EIF3I: variants seen among roughly 807,000 people sequenced by gnomAD.
The protein encoded by EIF3I is eukaryotic translation initiation factor 3 subunit I, also known as TGF-beta receptor-interacting protein 1.
Under a neutral mutation model 43.3 loss-of-function variants are expected in EIF3I, and 20 were observed. That is an observed-to-expected ratio of 0.46 (90% CI 0.32 to 0.67). EIF3I has a LOEUF of 0.67. Ranked by LOEUF, EIF3I falls within the 30% of genes least tolerant of loss-of-function variation. The probability of loss-of-function intolerance (pLI) is 0.03; values close to 1 mark genes in which losing one functional copy is unlikely to be tolerated. For synonymous variants in EIF3I, 167 were observed against 151.7 expected (o/e 1.10, Z -0.74); for missense variants, 279 against 421.4 (o/e 0.66, Z 2.96).
downstream of EIF3I, chr1:32,234,961 C>T (rs2127245): frequency 0.12 from 17,989 of 152,828 alleles, 1,354 homozygotes; most frequent in South Asian, 0.25. Context: ...CCTCTCCATG[C>T]CCTGGACTGC....
At chr1:32,226,555 C>T (rs1188115420) in intron 6 of EIF3I, 25 bp downstream of exon 6, 6 of 1,450,700 alleles carry the variant, frequency 4.1e-6, no homozygotes, top group Non-Finnish European at 5.4e-6. Flanking sequence ...GGGGCCTGAG[C>T]CTACCAGAAT....
At chr1:32,230,514 G>A (rs1639218912) in intron 10 of EIF3I, among the ~76,000 whole-genome samples, 2 of 152,210 alleles carry the variant, frequency 1.3e-5, no homozygotes, top group East Asian at 1.9e-4. Context: ...GAGCCACTGC[G>A]CCTCGGCTTC....
chr1:32,226,593 GTC>G, intron 6 of EIF3I, 63 bp downstream of exon 6: 5 of 1,385,182 alleles, frequency 3.6e-6, no homozygotes, highest in Admixed American at 2.7e-5. Flanking sequence ...TTAAGATAGA[GTC>G]TCTCTCTGTT....
exon 2 of EIF3I, chr1:32,222,612 T>C: frequency 1.2e-6 from 2 of 1,614,088 alleles, no homozygotes; most frequent in Non-Finnish European, 1.7e-6. Flanking sequence ...ACCTCCTCTT[T>C]ACTGTGGCCA....
chr1:32,229,416 C>G (rs1036704200), intron 9 of EIF3I, among the ~76,000 whole-genome samples: 3 of 151,466 alleles, frequency 2.0e-5, no homozygotes, highest in Non-Finnish European at 2.9e-5. Flanking sequence ...GGCTAATTTT[C>G]TTTTTGTATT....
chr1:32,226,416 C>T (rs2124263027), exon 6 of EIF3I: 1 of 1,605,900 alleles, frequency 6.2e-7, no homozygotes, highest in Non-Finnish European at 8.5e-7. Context: ...ACAATGAGCC[C>T]TACATGAAGA....
chr1:32,229,469 C>T (rs570176448), intron 9 of EIF3I, among the ~76,000 whole-genome samples: 113 of 151,512 alleles, frequency 7.5e-4, no homozygotes, highest in Non-Finnish European at 1.3e-3. Flanking sequence ...AGGATGGTCT[C>T]GATCTCCTGA....
chr1:32,226,487 T>C (rs2124263135), exon 6 of EIF3I: 2 of 1,591,568 alleles, frequency 1.3e-6, no homozygotes, highest in East Asian at 2.2e-5. Flanking sequence ...GAGTGCATCA[T>C]CGCTGGCCAT....
intron 6 of EIF3I, 38 bp downstream of exon 6, chr1:32,226,568 T>A (rs78639775): frequency 3.2e-5 from 4 of 124,684 alleles, no homozygotes; most frequent in East Asian, 3.0e-4. Context: ...ACCAGAATAA[T>A]TTTTTTTTTT....
intron 9 of EIF3I, among the ~76,000 whole-genome samples, chr1:32,230,190 A>G (rs1639214227): frequency 6.7e-6 from 1 of 149,336 alleles, no homozygotes; most frequent in Admixed American, 6.7e-5. Flanking sequence ...CGCAGCCACC[A>G]ATTTCCATCT....
intron 7 of EIF3I, 48 bp from the exon 8 acceptor site, chr1:32,228,679 C>A: frequency 6.3e-7 from 1 of 1,599,984 alleles, no homozygotes; most frequent in Non-Finnish European, 8.6e-7. Context: ...TGCCCGACTT[C>A]CCCCAGGAAA....
chr1:32,227,462 A>G (rs1639165921), intron 6 of EIF3I, among the ~76,000 whole-genome samples: 1 of 152,024 alleles, frequency 6.6e-6, no homozygotes, highest in Non-Finnish European at 1.5e-5. Flanking sequence ...AACTTGTCAC[A>G]AAGTACTCAG....
chr1:32,228,439 TG>T, intron 6 of EIF3I, 59 bp from the exon 7 acceptor site: 3 of 1,441,530 alleles, frequency 2.1e-6, no homozygotes, highest in Non-Finnish European at 2.9e-6. Flanking sequence ...CTTGGGTTTC[TG>T]GGGAGCTGAG....
At chr1:32,225,442 G>A (rs1022962303) in intron 4 of EIF3I, among the ~76,000 whole-genome samples, 1 of 152,020 alleles carries the variant, frequency 6.6e-6, no homozygotes, top group East Asian at 1.9e-4. Context: ...AAGAGTCTAG[G>A]TAAGAAGTTA....
At chr1:32,229,002 T>C in intron 8 of EIF3I, 133 bp from the exon 9 acceptor site, 4 of 1,108,850 alleles carry the variant, frequency 3.6e-6, no homozygotes, top group Non-Finnish European at 4.0e-6. Context: ...GTGGCAGAAG[T>C]GTCTGATCAT....
intron 4 of EIF3I, among the ~76,000 whole-genome samples, chr1:32,224,985 C>T (rs1639120589): frequency 6.6e-6 from 1 of 152,170 alleles, no homozygotes; most frequent in African/African-American, 2.4e-5. Context: ...AGACATGCGC[C>T]ATCACACCTG....
Position 32,226,394 on chromosome 1 carries a change from C to T in EIF3I, c.401-9C>T. 6.2e-7 allele frequency: 1 copy of T among 1,608,718 alleles called. No individual in the cohort carries two copies. The highest frequency in any genetic ancestry group is 8.5e-7 in the Non-Finnish European group (1 of 1,177,628). ...GAGCCCAGGGCCTAACATCTACTGC[C>T]CCACACAGACAACAATGAGCCCTAC... On this transcript the variant is annotated splice_polypyrimidine_tract_variant and intron_variant, in intron 5 of 11. Transcript: ENST00000676679.
chr1:32,222,438 C>G (rs369507179), exon 1 of EIF3I: 12 of 1,598,774 alleles, frequency 7.5e-6, no homozygotes, highest in Non-Finnish European at 1.0e-5. Flanking sequence ...GCGTCACAGC[C>G]GGGATGGTGA....
rs190235233 is a variant in EIF3I at position 32,228,703 on chromosome 1, T to A, written c.640-24T>A. 9.4e-6 allele frequency: 15 copies of A among 1,600,362 alleles called. No homozygotes were observed. In the East Asian group the frequency reaches 1.6e-4, roughly 17 times the overall value. On this transcript the variant is annotated intron_variant, in intron 7 of 11. Transcript: ENST00000676679. ...TCCCCCAGGAAAGCTCTTTACAGAT[T>A]TCCCCCCTGCCTTCTCTCTCCAGCT...
Sources: gnomAD v4.1 joint callset for allele counts (sites outside exome capture counted in the v4.1 genomes callset) on GRCh38, gnomAD v4.1.1 for gene constraint, MANE v1.5 for transcripts, NCBI Gene and HGNC (gene_info 2026-07-23, HGNC 2026-07-21) for gene names.